STXBP6: variants seen among roughly 807,000 people sequenced by gnomAD.
STXBP6 encodes the protein syntaxin binding protein 6, also known as syntaxin-binding protein 6.
A neutral mutation model predicts 26.9 loss-of-function variants in STXBP6; 21 were observed. The observed-to-expected ratio is 0.78, with a 90% CI of 0.55 to 1.12. The LOEUF is 1.12. Ranked by LOEUF, STXBP6 falls within the 50% of genes most tolerant of loss-of-function variation. STXBP6 has a pLI of 0.00. For missense variants in STXBP6, 232 were observed against 257.9 expected, an observed-to-expected ratio of 0.90 and a Z score of 0.69; for synonymous variants, 97 against 92.6, an observed-to-expected ratio of 1.05 and a Z score of -0.27.
rs1011015689 is a variant in STXBP6, at chr14:24,897,699, A to G, written c.155-40542T>C. ...TCGATGAGGGATTATGGATCTTCAC[A>G]AACAACAGGAGAGGTTTAGTAGGCT... On this transcript the variant is annotated intron_variant, in intron 2 of 5. Transcript: ENST00000323944. Among the ~76,000 whole-genome samples the G allele has an allele frequency of 4.6e-5, 7 of 152,206 alleles. 2 individuals are homozygous for G. Among genetic ancestry groups the G allele is most frequent in the Admixed American group, 3.9e-4 (6 of 15,284 alleles).
chr14:25,004,029 G>C (rs1163295599), intron 1 of STXBP6, among the ~76,000 whole-genome samples: 1 of 152,054 alleles, frequency 6.6e-6, no homozygotes, highest in Non-Finnish European at 1.5e-5. Flanking sequence ...AGAATACAAA[G>C]AGAGTTGAGG....
At chr14:25,044,679 G>A (rs1001556224) in intron 1 of STXBP6, among the ~76,000 whole-genome samples, 3 of 152,218 alleles carry the variant, frequency 2.0e-5, no homozygotes, top group African/African-American at 7.2e-5. Context: ...GCAGTGGCAC[G>A]ATCAGGGCTC....
Position 24,856,908 on chromosome 14 carries a change from T to G in STXBP6, c.285+119A>C, listed in dbSNP as rs2069353577. ...TATCCGAAAGTTTTAATCACATAAT[T>G]GAAATAGAGAAATAGCCTTCTTAAG... On this transcript the variant is annotated intron_variant, in intron 3 of 5. Transcript: ENST00000323944. 3.9e-6 allele frequency: 5 copies of G among 1,265,854 alleles called. No homozygotes were observed. The Middle Eastern group carries it at 7.2e-4, about 183-fold the overall frequency. The allele number at this position is 1,265,854 out of a possible 1,614,324, so 78.4% of individuals were successfully genotyped here.
chr14:24,974,385 C>T (rs772109761), intron 2 of STXBP6, among the ~76,000 whole-genome samples: 4 of 152,178 alleles, frequency 2.6e-5, no homozygotes, highest in Admixed American at 6.5e-5. Flanking sequence ...TCAGTGTCCC[C>T]GTGAGGGCAA....
At chr14:24,934,366 G>GA (rs1397092893) in intron 2 of STXBP6, among the ~76,000 whole-genome samples, 5 of 152,156 alleles carry the variant, frequency 3.3e-5, no homozygotes, top group Non-Finnish European at 7.4e-5. Context: ...TTCAGTGACA[G>GA]AAGTCAGTAA....
intron 2 of STXBP6, among the ~76,000 whole-genome samples, chr14:24,879,493 T>C (rs947625855): frequency 5.4e-4 from 82 of 152,174 alleles, no homozygotes; most frequent in African/African-American, 1.9e-3. Context: ...ACTCTCAGTG[T>C]GGATCAATAT....
At chr14:24,894,555 C>T (rs2070915257) in intron 2 of STXBP6, among the ~76,000 whole-genome samples, 1 of 152,116 alleles carries the variant, frequency 6.6e-6, no homozygotes, top group Non-Finnish European at 1.5e-5. Context: ...GAGAAGAGCC[C>T]TAAGCAGATT....
At chr14:24,973,232 C>G (rs2073950960) in intron 2 of STXBP6, among the ~76,000 whole-genome samples, 1 of 152,160 alleles carries the variant, frequency 6.6e-6, no homozygotes, top group Non-Finnish European at 1.5e-5. Flanking sequence ...CTAGAATATG[C>G]CCGGCACTGC....
At chr14:24,955,664 G>T (rs1315228408) in intron 2 of STXBP6, among the ~76,000 whole-genome samples, 1 of 152,122 alleles carries the variant, frequency 6.6e-6, no homozygotes, top group African/African-American at 2.4e-5. Context: ...AAGTGAGGGT[G>T]CTCCTCAGGG....
At chr14:25,033,057 G>A (rs570569268) in intron 1 of STXBP6, among the ~76,000 whole-genome samples, 1 of 151,648 alleles carries the variant, frequency 6.6e-6, no homozygotes, top group Admixed American at 6.6e-5. Flanking sequence ...TCAAACAAAA[G>A]GTACATGAGT....
intron 2 of STXBP6, among the ~76,000 whole-genome samples, chr14:24,970,290 T>C (rs1177655559): frequency 6.6e-6 from 1 of 151,342 alleles, no homozygotes; most frequent in Non-Finnish European, 1.5e-5. Flanking sequence ...TATAATAAAA[T>C]ACAACCACTT....
chr14:24,945,290 C>G (rs2072948115), intron 2 of STXBP6, among the ~76,000 whole-genome samples: 1 of 151,474 alleles, frequency 6.6e-6, no homozygotes. Flanking sequence ...TGGACCACAC[C>G]AAAAAACACT....
At chr14:24,950,290 G>T (rs951971940) in intron 2 of STXBP6, among the ~76,000 whole-genome samples, 1 of 152,086 alleles carries the variant, frequency 6.6e-6, no homozygotes, top group African/African-American at 2.4e-5. Context: ...CACAGAAGCT[G>T]AAGAGGTACA....
intron 2 of STXBP6, among the ~76,000 whole-genome samples, chr14:24,885,684 C>G (rs536684353): frequency 6.6e-6 from 1 of 152,250 alleles, no homozygotes; most frequent in Non-Finnish European, 1.5e-5. Flanking sequence ...TTTGCCTTCT[C>G]CCTGAAATCC....
intron 2 of STXBP6, among the ~76,000 whole-genome samples, chr14:24,898,178 T>C (rs2071067187): frequency 6.6e-6 from 1 of 152,192 alleles, no homozygotes; most frequent in African/African-American, 2.4e-5. Context: ...CTTTCACAAC[T>C]AACACTGACC....
chr14:25,021,935 C>T (rs1248098816), intron 1 of STXBP6, among the ~76,000 whole-genome samples: 2 of 152,138 alleles, frequency 1.3e-5, no homozygotes, highest in African/African-American at 4.8e-5. Flanking sequence ...GTCAACAGAT[C>T]CTAGGCATCA....
intron 4 of STXBP6, among the ~76,000 whole-genome samples, chr14:24,825,879 T>C (rs1461797950): frequency 1.3e-5 from 2 of 152,252 alleles, no homozygotes. Flanking sequence ...TTGGTTCTTA[T>C]GAATAGTTAC....
At chr14:24,949,978 T>C (rs2073109204) in intron 2 of STXBP6, among the ~76,000 whole-genome samples, 2 of 152,228 alleles carry the variant, frequency 1.3e-5, no homozygotes, top group Admixed American at 6.5e-5. Context: ...TATCTGACCA[T>C]GTGGCAGCCC....
At chr14:24,878,406 A>T (rs957381213) in intron 2 of STXBP6, among the ~76,000 whole-genome samples, 1 of 151,752 alleles carries the variant, frequency 6.6e-6, no homozygotes, top group Admixed American at 6.6e-5. Flanking sequence ...ATTCAACTTT[A>T]TTTTTTCCAT....
Sources: gnomAD v4.1 joint callset for allele counts (sites outside exome capture counted in the v4.1 genomes callset) on GRCh38, gnomAD v4.1.1 for gene constraint, MANE v1.5 for transcripts, NCBI Gene and HGNC (gene_info 2026-07-23, HGNC 2026-07-21) for gene names.